LAMA2: variants seen among roughly 807,000 people sequenced by gnomAD.
LAMA2 encodes laminin subunit alpha-2.
A neutral mutation model predicts 364.8 loss-of-function variants in LAMA2; 269 were observed. The ratio of observed to expected loss-of-function variants is 0.74; its 90% CI spans 0.67 to 0.82. LAMA2 has a LOEUF of 0.82. Ranked by LOEUF, LAMA2 falls within the 40% of genes least tolerant of loss-of-function variation. The pLI is 0.00. For synonymous variants in LAMA2, 1,379 were observed against 1,370.6 expected, an observed-to-expected ratio of 1.01 and a Z score of -0.14; for missense variants, 3,807 against 3,873.2, an observed-to-expected ratio of 0.98 and a Z score of 0.45.
chr6:129,421,851 G>A (rs1781090745), intron 40 of LAMA2, among the ~76,000 whole-genome samples: 1 of 151,970 alleles, frequency 6.6e-6, no homozygotes, highest in Admixed American at 6.6e-5. Flanking sequence ...GCTTGCATGA[G>A]GTGACTATTC....
At chr6:129,223,952 C>T (rs1214141389) in intron 12 of LAMA2, among the ~76,000 whole-genome samples, 2 of 152,136 alleles carry the variant, frequency 1.3e-5, no homozygotes, top group African/African-American at 2.4e-5. Flanking sequence ...GCCATTTTCA[C>T]GATATTGATT....
Position 129,415,949 on chromosome 6 carries a change from T to C in LAMA2, c.5866-11803T>C, listed in dbSNP as rs1190635159. Among the ~76,000 whole-genome samples, 16 of 35,734 alleles carry C rather than the reference T, an allele frequency of 4.5e-4. 1 individual carries two copies. Among genetic ancestry groups the C allele is most frequent in the South Asian group, 1.0e-3 (1 of 956 alleles). 23.4% of individuals were successfully genotyped at this position (35,734 alleles called of 152,430 possible). A position where few individuals can be genotyped will look rare whatever the true frequency, so the allele number is the denominator to read the frequency against. ...CTGAAATTATACACTTTCTTTCTTT[T>C]TTTTTTTTTTTTTTTTTGAGACGGA... is the stretch of plus-strand genomic sequence containing the variant. On this transcript the variant is annotated intron_variant, in intron 40 of 64. Coordinates refer to ENST00000421865, the MANE Select transcript of LAMA2 (RefSeq NM_000426.4).
At chr6:129,271,078 A>G (rs914441925) in intron 17 of LAMA2, among the ~76,000 whole-genome samples, 13 of 152,138 alleles carry the variant, frequency 8.5e-5, no homozygotes, top group Non-Finnish European at 1.8e-4. Context: ...CTACACACAG[A>G]CACATACCCA....
intron 1 of LAMA2, among the ~76,000 whole-genome samples, chr6:128,962,826 C>T (rs1781616284): frequency 6.6e-6 from 1 of 152,134 alleles, no homozygotes; most frequent in Non-Finnish European, 1.5e-5. Context: ...ATAAAAATTA[C>T]TCCAAGTTTA....
chr6:128,920,168 T>C (rs956176229), intron 1 of LAMA2, among the ~76,000 whole-genome samples: 22 of 151,790 alleles, frequency 1.4e-4, no homozygotes, highest in African/African-American at 5.1e-4. Context: ...CTTTTCTTTT[T>C]TTTTTTTTTG....
chr6:129,074,038 CTTAG>C (rs1297769911), intron 3 of LAMA2, among the ~76,000 whole-genome samples: 1 of 152,154 alleles, frequency 6.6e-6, no homozygotes, highest in African/African-American at 2.4e-5. Context: ...TGTTTTGTAG[CTTAG>C]TTAGAGATTC....
In LAMA2 at chr6:129,252,286, C is replaced by T; in HGVS notation, c.2087C>T (p.Ala696Val). The T allele has an allele frequency of 6.2e-7, 1 of 1,611,840 alleles. No individual in the cohort carries two copies. The highest frequency in any genetic ancestry group is 1.1e-5 in the South Asian group (1 of 91,032). The change falls in exon 14 of 65, where the codon GCC becomes GTC. Residue 696 changes from alanine (A) to valine (V), a missense_variant. Around this residue, in one of 3 missense-constraint regions of LAMA2, gnomAD observed 3,333 missense variants for 3,345.7 expected, o/e 1.00. Coordinates refer to ENST00000421865, the MANE Select transcript of LAMA2 (RefSeq NM_000426.4). Reference sequence around the variant, plus strand: ...ATCACATACAGCTTTGGGATGGATGCCATCTTCAGGTAAAATCAAGAACTG... The same window carrying T: ...ATCACATACAGCTTTGGGATGGATGTCATCTTCAGGTAAAATCAAGAACTG... ...LQITYSFGMD[A>V]IFRLSSVNLE...
intron 44 of LAMA2, 75 bp downstream of exon 44, chr6:129,443,143 G>A (rs372307729): frequency 3.3e-5 from 37 of 1,105,910 alleles, no homozygotes; most frequent in Non-Finnish European, 4.4e-5. Context: ...TTTCAGCTTT[G>A]CATGTACTAT....
At chr6:129,423,962 C>A (rs1781203537) in intron 40 of LAMA2, among the ~76,000 whole-genome samples, 2 of 152,002 alleles carry the variant, frequency 1.3e-5, no homozygotes, top group South Asian at 4.1e-4. Flanking sequence ...AAAGGTTATA[C>A]TACCTGACTT....
intron 27 of LAMA2, 70 bp downstream of exon 27, chr6:129,316,241 A>G (rs759082027): frequency 4.3e-5 from 52 of 1,219,800 alleles, no homozygotes; most frequent in Non-Finnish European, 5.9e-5. Context: ...ACCTACAGAT[A>G]TCAGATAAGA....
chr6:128,902,696 TAG>T (rs1201594345), intron 1 of LAMA2, among the ~76,000 whole-genome samples: 1 of 152,124 alleles, frequency 6.6e-6, no homozygotes, highest in Non-Finnish European at 1.5e-5. Context: ...TTGTTGTTTT[TAG>T]AGACAGGGTC....
intron 53 of LAMA2, among the ~76,000 whole-genome samples, chr6:129,476,022 G>T (rs1025494088): frequency 2.6e-5 from 4 of 152,188 alleles, no homozygotes; most frequent in African/African-American, 9.7e-5. Flanking sequence ...TAATAGTAAA[G>T]AAGTGTGAGA....
chr6:129,092,730 T>C (rs552516739), intron 3 of LAMA2, among the ~76,000 whole-genome samples: 1 of 152,254 alleles, frequency 6.6e-6, no homozygotes, highest in East Asian at 1.9e-4. Flanking sequence ...TCTTGAGAGA[T>C]TAAGAAAGAA....
At chr6:129,236,749 A>G (rs73601144) in intron 12 of LAMA2, among the ~76,000 whole-genome samples, 2,573 of 151,458 alleles carry the variant, frequency 0.017, 83 homozygotes, top group African/African-American at 0.06. Flanking sequence ...TCACACACAT[A>G]TAAGTATATA....
chr6:129,150,192 T>C (rs1295127868), intron 7 of LAMA2, among the ~76,000 whole-genome samples: 1 of 152,198 alleles, frequency 6.6e-6, no homozygotes, highest in East Asian at 1.9e-4. Context: ...TCACTCACCA[T>C]GCATGGTAGG....
rs184736037 is a variant in LAMA2, at chr6:129,386,374, T to G, written c.5071+3141T>G. Among the ~76,000 whole-genome samples the G allele has an allele frequency of 2.8e-3, 421 of 152,054 alleles. 3 individuals are homozygous for G. The highest frequency in any genetic ancestry group is 1.0e-2 in the African/African-American group (414 of 41,524). On this transcript the variant is annotated intron_variant, in intron 35 of 64. Transcript: ENST00000421865. ...ATATGTATATAAACATAAAACTGTA[T>G]GTTTATATATGTCTATAAAGAGTGA...
rs952366292 is a variant in LAMA2, at chr6:129,172,738, A to C, written c.1307-4968A>C. Among the ~76,000 whole-genome samples the C allele has an allele frequency of 1.4e-4, 22 of 152,060 alleles. 1 individual carries two copies. Among genetic ancestry groups the C allele is most frequent in the African/African-American group, 5.1e-4 (21 of 41,322 alleles). Reference sequence around the variant, plus strand: ...TCCCAGCTGCTTTGTTTACCTAATCAAGCCTGGGCAATGGCGGCGCCCCTC... The same window carrying C: ...TCCCAGCTGCTTTGTTTACCTAATCCAGCCTGGGCAATGGCGGCGCCCCTC... On this transcript the variant is annotated intron_variant, in intron 9 of 64. Transcript: ENST00000421865.
In LAMA2 at chr6:129,297,821, G is replaced by T. The variant is rs144946631; in HGVS notation, c.2993G>T (p.Arg998Leu). Residue 998 changes from arginine (R) to leucine (L), a missense_variant, in exon 21 of 65, where the codon CGC becomes CTC. Arg to Leu is a moderately radical substitution (Grantham distance 102). This residue lies in a region of LAMA2 where 3,333 missense variants were observed against 3,345.7 expected (regional missense o/e 1.00). Coordinates refer to ENST00000421865, the MANE Select transcript of LAMA2 (RefSeq NM_000426.4). ...GGAGTCACAGGGAAGAAATGTGACCGCTGTGCCCACGGCTATTTCAACTTC... is the reference window on the plus strand; with the variant it reads ...GGAGTCACAGGGAAGAAATGTGACCTCTGTGCCCACGGCTATTTCAACTTC... ...QPGVTGKKCD[R>L]CAHGYFNFQE... The T allele has an allele frequency of 1.2e-6, 2 of 1,613,936 alleles. No individual in the cohort carries two copies. The highest frequency in any genetic ancestry group is 1.7e-6 in the Non-Finnish European group (2 of 1,179,914).
chr6:128,949,651 C>T (rs1290993122), intron 1 of LAMA2, among the ~76,000 whole-genome samples: 1 of 151,856 alleles, frequency 6.6e-6, no homozygotes, highest in Non-Finnish European at 1.5e-5. Context: ...GATGGGATTA[C>T]ATAACATGAA....
Sources: gnomAD v4.1 joint callset for allele counts (sites outside exome capture counted in the v4.1 genomes callset) on GRCh38, gnomAD v4.1.1 for gene constraint, gnomAD v4.1.1 regional missense constraint, MANE v1.5 for transcripts, NCBI Gene and HGNC (gene_info 2026-07-23, HGNC 2026-07-21) for gene names.